Variants in SLC41A3 observed in about 807,000 individuals in gnomAD.
SLC41A3 encodes the protein SLC41A1-like 2.
A neutral mutation model predicts 45.4 loss-of-function variants in SLC41A3; 44 were observed. The ratio of observed to expected loss-of-function variants is 0.97; its 90% CI spans 0.76 to 1.25. The LOEUF (loss-of-function observed/expected upper bound fraction) is 1.25. SLC41A3 is among the 50% of genes most tolerant of loss of function. The probability of loss-of-function intolerance (pLI) is 0.00; values close to 1 mark genes in which losing one functional copy is unlikely to be tolerated. For synonymous variants in SLC41A3, 256 were observed against 252.4 expected (o/e 1.01, Z -0.13); for missense variants, 550 against 600.6 (o/e 0.92, Z 0.88).
chr3:126,007,113 C>A lies in SLC41A3; in HGVS notation c.1367G>T (p.Gly456Val). 1 of 1,614,202 alleles carries A rather than the reference C, an allele frequency of 6.2e-7. No individual in the cohort carries two copies. Among genetic ancestry groups the A allele is most frequent in the Non-Finnish European group, 8.5e-7 (1 of 1,180,032 alleles). Residue 456 changes from glycine to valine, a missense_variant, in exon 11 of 11, where the codon GGT becomes GTT. Gly to Val is a moderately radical substitution (Grantham distance 109). Transcript: ENST00000360370. The part of the protein sequence containing the change: ...PYLTGLGDLL[G>V]TGLLALCFFT... The stretch of plus-strand genomic sequence containing the variant: ...AAAGCAGAGTGCCAGGAGGCCAGTA[C>A]CGAGCAGGTCCCCCAGCCCTGTAAG...
At chr3:126,051,452 G>A (rs531176210) in intron 2 of SLC41A3, among the ~76,000 whole-genome samples, 1 of 151,506 alleles carries the variant, frequency 6.6e-6, no homozygotes, top group East Asian at 2.0e-4. Flanking sequence ...CTCTACCGGG[G>A]ATCAACGATC....
intron 2 of SLC41A3, among the ~76,000 whole-genome samples, chr3:126,055,520 A>G (rs4422257): frequency 0.17 from 26,246 of 152,126 alleles, 2,389 homozygotes; most frequent in Middle Eastern, 0.27. Context: ...TCTCAAAAAA[A>G]CAAAAAGCAA....
chr3:126,059,314 G>GA (rs150520192), intron 2 of SLC41A3, among the ~76,000 whole-genome samples: 12 of 102,768 alleles, frequency 1.2e-4, no homozygotes, highest in African/African-American at 3.9e-4. Context: ...AAGAAAGGAA[G>GA]GATGATCTGT....
In SLC41A3 at chr3:126,026,999, C is replaced by A. The variant is rs1941409455; in HGVS notation, c.454-520G>T. ...CTGTCCTGCCAAACACACACCACAG[C>A]CTGCGCCAGGAGCTGCCCTGATCTG... is the stretch of plus-strand genomic sequence containing the variant. On this transcript the variant is annotated intron_variant, in intron 4 of 10. Transcript: ENST00000360370. This position sits in a 1 kb window ranked among gnomAD's most constrained non-coding sequence, Gnocchi z 4.2. 1.3e-5 allele frequency among the ~76,000 whole-genome samples: 2 copies of A among 152,210 alleles called. No homozygotes were observed. The highest frequency in any genetic ancestry group is 6.5e-5 in the Admixed American group (1 of 15,290).
At chr3:126,036,272 G>A (rs972825788) in intron 3 of SLC41A3, among the ~76,000 whole-genome samples, 1 of 152,158 alleles carries the variant, frequency 6.6e-6, no homozygotes, top group Admixed American at 6.5e-5. Flanking sequence ...ACCAGCTCTG[G>A]GCCTGTGAGG....
chr3:126,090,746 G>A (rs1441242989), intron 1 of SLC41A3, among the ~76,000 whole-genome samples: 1 of 152,188 alleles, frequency 6.6e-6, no homozygotes, highest in Admixed American at 6.5e-5. Flanking sequence ...CAAATGCTCT[G>A]CTGCTGAAAC....
At chr3:126,072,972 G>A (rs1387122566) in intron 1 of SLC41A3, among the ~76,000 whole-genome samples, 1 of 152,192 alleles carries the variant, frequency 6.6e-6, no homozygotes, top group Non-Finnish European at 1.5e-5. Context: ...GCAGCAACAT[G>A]GATGGAACTG....
Position 126,015,670 on chromosome 3 carries a change from A to T in SLC41A3, c.891-97T>A, listed in dbSNP as rs1365951521. On this transcript the variant is annotated intron_variant, in intron 7 of 10. Transcript: ENST00000360370. ...AATCACCCTTTCAGCCCAGCTTCCC[A>T]TCCTTGGCTGTCACTCTCCTCTCCC... The T allele has an allele frequency of 2.4e-6, 3 of 1,224,762 alleles. No individual in the cohort carries two copies. In the East Asian group the frequency reaches 7.1e-5, roughly 29 times the overall value. 75.9% of individuals were successfully genotyped at this position (1,224,762 alleles called of 1,614,324 possible).
chr3:126,038,999 C>G (rs778661612), intron 3 of SLC41A3, among the ~76,000 whole-genome samples: 2 of 152,038 alleles, frequency 1.3e-5, no homozygotes, highest in African/African-American at 2.4e-5. Flanking sequence ...GCACCTCCTC[C>G]CTCCCTCTCG....
chr3:126,032,225 C>G lies in SLC41A3; in HGVS notation c.453+1382G>C, dbSNP rs574538758. ...AGCCAGTGAAGGAGAGGAGGCATAA[C>G]TGACTGGGTTTTAGAAAGGCCACCC... On this transcript the variant is annotated intron_variant, in intron 4 of 10. Coordinates refer to ENST00000360370, the MANE Select transcript of SLC41A3 (RefSeq NM_017836.4). 4.7e-4 allele frequency among the ~76,000 whole-genome samples: 71 copies of G among 152,338 alleles called. No homozygotes were observed. The South Asian group carries it at 0.014, about 31-fold the overall frequency.
At chr3:126,010,056 C>G (rs1406907235) in intron 9 of SLC41A3, among the ~76,000 whole-genome samples, 1 of 152,210 alleles carries the variant, frequency 6.6e-6, no homozygotes, top group Non-Finnish European at 1.5e-5. Context: ...GGACCTTGGG[C>G]TGCAATGAAC....
At chr3:126,081,688 C>T (rs1945160972) in intron 1 of SLC41A3, among the ~76,000 whole-genome samples, 1 of 152,134 alleles carries the variant, frequency 6.6e-6, no homozygotes, top group Admixed American at 6.5e-5. Flanking sequence ...ACCTCACCAC[C>T]ACTAGGGCAA....
At chr3:126,095,180 T>G (rs1365555796) in intron 1 of SLC41A3, 2 of 688,138 alleles carry the variant, frequency 2.9e-6, no homozygotes, top group Non-Finnish European at 5.3e-6. Flanking sequence ...TATGCTTATG[T>G]CTCTCCAGGC....
chr3:126,066,338 G>T (rs1024264668), intron 2 of SLC41A3, among the ~76,000 whole-genome samples: 4 of 152,190 alleles, frequency 2.6e-5, no homozygotes, highest in Admixed American at 1.3e-4. Flanking sequence ...AAGCAGAAAA[G>T]CCAGCTAAAC....
At chr3:126,041,506 G>A (rs12633421) in intron 3 of SLC41A3, among the ~76,000 whole-genome samples, 44,663 of 151,990 alleles carry the variant, frequency 0.29, 6,757 homozygotes, top group African/African-American at 0.35. Flanking sequence ...TCAAAAGGGC[G>A]CAGGCTTCCA....
rs2108019330 is a variant in SLC41A3 at position 126,068,147 on chromosome 3, G to C, written c.73C>G (p.Pro25Ala). The C allele has an allele frequency of 6.2e-7, 1 of 1,602,626 alleles. No individual in the cohort carries two copies. Among genetic ancestry groups the C allele is most frequent in the Non-Finnish European group, 8.5e-7 (1 of 1,174,822 alleles). Residue 25 changes from proline to alanine, a missense_variant, in exon 2 of 11, where the codon CCC becomes GCC. Transcript: ENST00000360370. The part of the protein sequence containing the change: ...GKPGELGLPH[P>A]LSTGGLPVAS... Reference sequence around the variant, plus strand: ...ACAGGGAGTCCTCCTGTGCTGAGGGGGTGAGGAAGCCCCAGCTCCCCTGGC... The same window carrying C: ...ACAGGGAGTCCTCCTGTGCTGAGGGCGTGAGGAAGCCCCAGCTCCCCTGGC...
At chr3:126,029,375 C>CCG (rs1389147362) in intron 4 of SLC41A3, among the ~76,000 whole-genome samples, 1 of 151,864 alleles carries the variant, frequency 6.6e-6, no homozygotes, top group South Asian at 2.1e-4. Flanking sequence ...CTCCCTCCCC[C>CCG]ACCACTCTCT....
chr3:126,028,513 C>T (rs934427060), intron 4 of SLC41A3, among the ~76,000 whole-genome samples: 2 of 152,270 alleles, frequency 1.3e-5, no homozygotes, highest in African/African-American at 4.8e-5. Flanking sequence ...AAAAGCCTGG[C>T]TATCCAGGCA....
intron 2 of SLC41A3, among the ~76,000 whole-genome samples, chr3:126,063,945 T>G (rs1251574169): frequency 5.1e-4 from 30 of 59,294 alleles, no homozygotes; most frequent in African/African-American, 2.2e-3. Context: ...TTAAGCCAGA[T>G]CCAACCCCCC....
Sources: allele counts gnomAD v4.1 joint callset (sites outside exome capture counted in the v4.1 genomes callset), GRCh38; gene constraint gnomAD v4.1.1; non-coding constraint Gnocchi (gnomAD v3.1); transcripts MANE v1.5; gene names NCBI Gene and HGNC (gene_info 2026-07-23, HGNC 2026-07-21).